PAK3: variants seen among roughly 807,000 people sequenced by gnomAD.
PAK3 encodes p21 (RAC1) activated kinase 3, also known as serine/threonine-protein kinase PAK 3.
Under a neutral mutation model 41.0 loss-of-function variants are expected in PAK3, and 4 were observed. The observed-to-expected ratio is 0.10, with a 90% CI of 0.05 to 0.22. The LOEUF is 0.22. Ranked by LOEUF, PAK3 falls within the 10% of genes least tolerant of loss-of-function variation. The pLI is 1.00. For missense variants in PAK3, 205 were observed against 409.9 expected (o/e 0.50, Z 4.32); for synonymous variants, 146 against 139.6 (o/e 1.05, Z -0.32).
At chrX:111,211,187 A>G (rs1251894905) in intron 16 of PAK3, among the ~76,000 whole-genome samples, 1 of 109,291 alleles carries the variant, frequency 9.1e-6, no homozygotes, top group African/African-American at 3.3e-5. Context: ...GAGTTGGGAG[A>G]AGGGCCCTAG....
intron 1 of PAK3, among the ~76,000 whole-genome samples, chrX:111,000,863 G>C (rs2091834584): frequency 8.9e-6 from 1 of 111,916 alleles, no homozygotes. Flanking sequence ...GAAACAATAA[G>C]TAAAACAATC....
chrX:111,091,772 G>A (rs189101696), upstream of PAK3, among the ~76,000 whole-genome samples: 24 of 112,319 alleles, frequency 2.1e-4, no homozygotes, highest in South Asian at 3.0e-3. Flanking sequence ...TAATGGCAAC[G>A]GGTTGTAGTG....
At chrX:110,970,977 C>A (rs1252541184) in intron 1 of PAK3, among the ~76,000 whole-genome samples, 1 of 111,712 alleles carries the variant, frequency 9.0e-6, no homozygotes, top group Non-Finnish European at 1.9e-5. Context: ...AGTACTACCT[C>A]GAATAGCAGT....
chrX:111,005,436 G>A (rs184313717), intron 1 of PAK3, among the ~76,000 whole-genome samples: 1 of 111,796 alleles, frequency 8.9e-6, no homozygotes, highest in African/African-American at 3.2e-5. Flanking sequence ...AATTCATTCA[G>A]GAAATGCAAA....
rs187186209 is a variant in PAK3 at position 111,013,700 on chromosome X, C to G, written c.-28+69072C>G. 2.9e-3 allele frequency: 328 copies of G among 111,259 alleles called. 2 individuals carry two copies. Among genetic ancestry groups the G allele is most frequent in the African/African-American group, 0.01 (320 of 30,579 alleles). The allele number at this position is 111,259 out of a possible 1,213,427, so 9.2% of individuals were successfully genotyped here. On this transcript the variant is annotated intron_variant, in intron 1 of 14. Transcript: ENST00000425146. ...ATCTCACCATTTTTCTTTAGGACCCCCAACAGAATTTCTTCTTATCAGGCA... is the reference window on the plus strand; with the variant it reads ...ATCTCACCATTTTTCTTTAGGACCCGCAACAGAATTTCTTCTTATCAGGCA...
At chrX:111,061,635 A>C (rs1477203763) in intron 1 of PAK3, among the ~76,000 whole-genome samples, 6 of 111,786 alleles carry the variant, frequency 5.4e-5, no homozygotes, top group Non-Finnish European at 9.4e-5. Flanking sequence ...CATGTTGTTC[A>C]GTACATTTTT....
intron 11 of PAK3, among the ~76,000 whole-genome samples, chrX:111,190,235 T>A (rs781614055): frequency 1.1e-4 from 12 of 111,335 alleles, no homozygotes; most frequent in Non-Finnish European, 2.1e-4. Context: ...TTGTAGATTA[T>A]AAATCATAGA....
At chrX:111,064,703 G>A (rs766933576) in intron 1 of PAK3, among the ~76,000 whole-genome samples, 1 of 112,372 alleles carries the variant, frequency 8.9e-6, no homozygotes, top group Non-Finnish European at 1.9e-5. Flanking sequence ...CCATTGATGG[G>A]CACCTTGGTT....
At chrX:111,056,600 T>C (rs2092607009) in intron 1 of PAK3, among the ~76,000 whole-genome samples, 2 of 112,191 alleles carry the variant, frequency 1.8e-5, no homozygotes, top group African/African-American at 6.5e-5. Context: ...GTATGGTTTT[T>C]TAAATATATG....
intron 1 of PAK3, among the ~76,000 whole-genome samples, chrX:111,027,543 A>G (rs1165334979): frequency 8.9e-6 from 1 of 112,127 alleles, no homozygotes; most frequent in Non-Finnish European, 1.9e-5. Flanking sequence ...AAGATACACA[A>G]ATGGCCAACA....
At chrX:111,146,277 T>C (rs1026667075) in intron 6 of PAK3, among the ~76,000 whole-genome samples, 2 of 111,980 alleles carry the variant, frequency 1.8e-5, no homozygotes, top group Admixed American at 9.5e-5. Context: ...AGGAAGCATC[T>C]TGCCAAAAGT....
chrX:111,118,060 T>A (rs1431660070), intron 4 of PAK3, among the ~76,000 whole-genome samples: 1 of 111,988 alleles, frequency 8.9e-6, no homozygotes, highest in East Asian at 2.8e-4. Context: ...CATTAATGTC[T>A]GAAAAGTCAC....
At chrX:111,023,885 C>A (rs1366960046) in intron 1 of PAK3, among the ~76,000 whole-genome samples, 1 of 111,927 alleles carries the variant, frequency 8.9e-6, no homozygotes, top group Non-Finnish European at 1.9e-5. Context: ...TGTGCAGAAA[C>A]TCTTTAGTTT....
chrX:111,215,562 G>A (rs2094870537), intron 16 of PAK3, among the ~76,000 whole-genome samples: 1 of 111,362 alleles, frequency 9.0e-6, no homozygotes, highest in African/African-American at 3.3e-5. Flanking sequence ...TCAAAAGATG[G>A]GTTTACCTTT....
intron 1 of PAK3, among the ~76,000 whole-genome samples, chrX:111,071,990 C>T (rs888536769): frequency 8.9e-6 from 1 of 112,049 alleles, no homozygotes; most frequent in African/African-American, 3.2e-5. Context: ...TCTAGATGTT[C>T]TCTGGTTACT....
chrX:111,202,569 TATC>T (rs1319672986), intron 16 of PAK3, among the ~76,000 whole-genome samples: 1 of 112,201 alleles, frequency 8.9e-6, no homozygotes, highest in Non-Finnish European at 1.9e-5. Context: ...CTGTTGCTGA[TATC>T]ATCAACTTTT....
At chrX:110,957,090 G>T (rs1414233312) in intron 1 of PAK3, among the ~76,000 whole-genome samples, 3 of 111,688 alleles carry the variant, frequency 2.7e-5, no homozygotes, top group Non-Finnish European at 3.8e-5. Context: ...TTCTGCCTTG[G>T]TTCAGACCTT....
At chrX:111,053,900 A>C (rs1342480329) in intron 1 of PAK3, among the ~76,000 whole-genome samples, 1 of 112,313 alleles carries the variant, frequency 8.9e-6, no homozygotes, top group African/African-American at 3.2e-5. Context: ...ATGTAGTAAG[A>C]GCTTTCTTGT....
At chrX:111,163,507 C>A in intron 9 of PAK3, 55 bp from the exon 10 acceptor site, 1 of 863,714 alleles carries the variant, frequency 1.2e-6, no homozygotes, top group East Asian at 3.1e-5. Context: ...TACATTGACT[C>A]CACACTCTTT....
Sources: allele counts gnomAD v4.1 joint callset (sites outside exome capture counted in the v4.1 genomes callset), GRCh38; gene constraint gnomAD v4.1.1; transcripts MANE v1.5; gene names NCBI Gene and HGNC (gene_info 2026-07-23, HGNC 2026-07-21).